The following CDH13 variants were observed in gnomAD, a reference collection of about 807,000 sequenced individuals.
CDH13 encodes the protein cadherin 13.
A neutral mutation model predicts 63.8 loss-of-function variants in CDH13; 24 were observed. The observed-to-expected ratio is 0.38, with a 90% confidence interval of 0.27 to 0.53. CDH13 has a LOEUF of 0.53. Among genes scored for constraint, CDH13 ranks in the 20% least tolerant of loss-of-function variants. CDH13 has a pLI of 0.85. For synonymous variants in CDH13, 503 were observed against 355.3 expected, an observed-to-expected ratio of 1.42 and a Z score of -4.67; for missense variants, 1,049 against 903.1, an observed-to-expected ratio of 1.16 and a Z score of -2.07.
At chr16:83,080,350 A>G (rs1341934473) in intron 3 of CDH13, among the ~76,000 whole-genome samples, 1 of 152,176 alleles carries the variant, frequency 6.6e-6, no homozygotes, top group Non-Finnish European at 1.5e-5. Context: ...TAAAGAGAAA[A>G]TTTGGTTGCC....
At chr16:83,658,513 T>C (rs1371826027) in intron 8 of CDH13, among the ~76,000 whole-genome samples, 1 of 140,502 alleles carries the variant, frequency 7.1e-6, no homozygotes, top group Non-Finnish European at 1.5e-5. Context: ...TCCCATGTCC[T>C]CACCACCAGG....
At chr16:83,106,473 A>G (rs6565123) in intron 3 of CDH13, among the ~76,000 whole-genome samples, 17,720 of 152,274 alleles carry the variant, frequency 0.12, 1,304 homozygotes, top group African/African-American at 0.21. Flanking sequence ...TCCAGGAAGC[A>G]GAGGTTGCGG....
chr16:83,689,872 A>G (rs980920389), intron 10 of CDH13, among the ~76,000 whole-genome samples: 4 of 152,220 alleles, frequency 2.6e-5, no homozygotes, highest in African/African-American at 9.6e-5. Context: ...TGGGGGATAA[A>G]GTAGCCCCAG....
chr16:82,714,836 C>T (rs1180904682), intron 1 of CDH13, among the ~76,000 whole-genome samples: 2 of 142,980 alleles, frequency 1.4e-5, no homozygotes, highest in East Asian at 4.1e-4. Context: ...CAGCAATGAC[C>T]AGAAGCTAAG....
chr16:83,272,038 A>G (rs1301797763), intron 5 of CDH13, among the ~76,000 whole-genome samples: 2 of 152,080 alleles, frequency 1.3e-5, no homozygotes, highest in South Asian at 2.1e-4. Flanking sequence ...ATCTCTCTTA[A>G]TTTTCATATT....
rs117574051 is a variant in CDH13 at position 83,726,967 on chromosome 16, A to G, written c.1539-21141A>G. Among the ~76,000 whole-genome samples the G allele has an allele frequency of 1.6e-3, 241 of 152,250 alleles. 3 individuals carry two copies. The East Asian group carries it at 0.042, about 26-fold the overall frequency. On this transcript the variant is annotated intron_variant, in intron 10 of 13. Coordinates refer to ENST00000567109, the MANE Select transcript of CDH13 (RefSeq NM_001257.5). ...GTTTTAGCAGCCCTGGAAATCATGG[A>G]TACCTCCCTTCCTTGAAGTTATCTT...
intron 1 of CDH13, among the ~76,000 whole-genome samples, chr16:82,794,845 C>G (rs1231492426): frequency 6.6e-6 from 1 of 152,144 alleles, no homozygotes; most frequent in Non-Finnish European, 1.5e-5. Flanking sequence ...TGCCTGAATT[C>G]CTCTCACAGA....
intron 3 of CDH13, among the ~76,000 whole-genome samples, chr16:83,108,082 A>G (rs2034869553): frequency 6.6e-6 from 1 of 152,062 alleles, no homozygotes; most frequent in South Asian, 2.1e-4. Context: ...TGGCCTCCCA[A>G]AGTGCTGGGA....
At chr16:83,722,065 G>A (rs556128822) in intron 10 of CDH13, among the ~76,000 whole-genome samples, 45 of 152,102 alleles carry the variant, frequency 3.0e-4, no homozygotes, top group Non-Finnish European at 5.7e-4. Flanking sequence ...CCTGGAGCTT[G>A]TTAGGAAGCA....
chr16:83,143,727 A>G (rs11150543), intron 4 of CDH13, among the ~76,000 whole-genome samples: 48,625 of 151,938 alleles, frequency 0.32, 9,372 homozygotes, highest in African/African-American at 0.55. Flanking sequence ...GCTCTTCTAT[A>G]CAACCTGCTC....
intron 2 of CDH13, among the ~76,000 whole-genome samples, chr16:82,873,807 G>A (rs1209140744): frequency 6.6e-6 from 1 of 152,104 alleles, no homozygotes; most frequent in Non-Finnish European, 1.5e-5. Flanking sequence ...GATGACCCAC[G>A]AAATTTTCAA....
At chr16:83,477,447 A>G (rs947325251) in intron 6 of CDH13, among the ~76,000 whole-genome samples, 1 of 152,198 alleles carries the variant, frequency 6.6e-6, no homozygotes, top group Admixed American at 6.5e-5. Flanking sequence ...AATTTAAGGC[A>G]TTCTCATTTT....
At chr16:83,124,987 G>A (rs570549922) in intron 3 of CDH13, among the ~76,000 whole-genome samples, 5 of 152,290 alleles carry the variant, frequency 3.3e-5, no homozygotes, top group African/African-American at 9.6e-5. Context: ...CTTAGGATTT[G>A]TTATAAAACC....
chr16:83,379,006 T>TATATATATACACAC (rs540642910), intron 6 of CDH13, among the ~76,000 whole-genome samples: 136 of 149,018 alleles, frequency 9.1e-4, no homozygotes, highest in Middle Eastern at 3.5e-3. Context: ...TATATATATA[T>TATATATATACACAC]ACACACACAC....
intron 6 of CDH13, among the ~76,000 whole-genome samples, chr16:83,392,777 A>G (rs781276445): frequency 1.3e-5 from 2 of 152,220 alleles, no homozygotes; most frequent in South Asian, 2.1e-4. Context: ...TACACGCTAA[A>G]TTATGCGGTG....
intron 1 of CDH13, among the ~76,000 whole-genome samples, chr16:82,722,819 C>T (rs1245405737): frequency 1.3e-5 from 2 of 152,118 alleles, no homozygotes; most frequent in Admixed American, 6.5e-5. Context: ...ACATATAAGC[C>T]TTTTTCACGT....
chr16:83,038,760 T>C (rs1436764532), intron 3 of CDH13, among the ~76,000 whole-genome samples: 2 of 152,214 alleles, frequency 1.3e-5, no homozygotes, highest in Admixed American at 6.5e-5. Flanking sequence ...TTATCTGCCA[T>C]ATAAATGGGA....
chr16:82,956,995 C>G (rs1023724941), intron 2 of CDH13, among the ~76,000 whole-genome samples: 1 of 152,182 alleles, frequency 6.6e-6, no homozygotes, highest in Non-Finnish European at 1.5e-5. Context: ...AGACATAAAT[C>G]TATCTGAGAG....
chr16:82,883,339 A>G (rs1341829889), intron 2 of CDH13, among the ~76,000 whole-genome samples: 1 of 152,170 alleles, frequency 6.6e-6, no homozygotes, highest in Non-Finnish European at 1.5e-5. Flanking sequence ...TAATAGCAGG[A>G]GAAAGGAAGC....
Sources: gnomAD v4.1 joint callset for allele counts (sites outside exome capture counted in the v4.1 genomes callset) on GRCh38, gnomAD v4.1.1 for gene constraint, MANE v1.5 for transcripts, NCBI Gene and HGNC (gene_info 2026-07-23, HGNC 2026-07-21) for gene names.